Variants in ITGA8 observed in about 807,000 individuals in gnomAD.
ITGA8 encodes integrin subunit alpha 8.
ITGA8 carries 91 observed loss-of-function variants against 142.3 expected under a neutral mutation model. That is an observed-to-expected ratio of 0.64 (90% CI 0.54 to 0.76). The LOEUF (loss-of-function observed/expected upper bound fraction) is 0.76. Among genes scored for constraint, ITGA8 ranks in the 30% least tolerant of loss-of-function variants. The probability of loss-of-function intolerance (pLI) is 0.00; values close to 1 mark genes in which losing one functional copy is unlikely to be tolerated. For synonymous variants in ITGA8, 505 were observed against 485.2 expected (o/e 1.04, Z -0.54); for missense variants, 1,406 against 1,327.7 (o/e 1.06, Z -0.92).
intron 8 of ITGA8, among the ~76,000 whole-genome samples, chr10:15,663,404 A>G (rs1385500763): frequency 6.6e-6 from 1 of 152,188 alleles, no homozygotes; most frequent in East Asian, 1.9e-4. Context: ...CTTTTATTTT[A>G]GATATCCTCA....
chr10:15,540,249 C>A (rs964574474), intron 27 of ITGA8, among the ~76,000 whole-genome samples: 1 of 152,066 alleles, frequency 6.6e-6, no homozygotes, highest in Non-Finnish European at 1.5e-5. Context: ...TCCTTCTGAC[C>A]GTATTTTTGT....
intron 3 of ITGA8, 124 bp from the exon 4 acceptor site, chr10:15,684,251 C>G (rs1279565329): frequency 2.2e-6 from 2 of 914,334 alleles, no homozygotes; most frequent in East Asian, 5.3e-5. Flanking sequence ...CTCTAGCATG[C>G]TAATGAGTGC....
rs538893767 is a variant in ITGA8 at position 15,580,885 on chromosome 10, T to G, written c.2373-5291A>C. Among the ~76,000 whole-genome samples, 489 of 152,334 alleles carry G rather than the reference T, an allele frequency of 3.2e-3. 3 individuals carry two copies. The highest frequency in any genetic ancestry group is 0.011 in the African/African-American group (471 of 41,582). ...TGAACAAGGCAAGGATGTCTCTTTT[T>G]ACCGCTTCTATTGATCATGCACTGG... On this transcript the variant is annotated intron_variant, in intron 23 of 29. Coordinates refer to ENST00000378076, the MANE Select transcript of ITGA8 (RefSeq NM_003638.3).
chr10:15,578,163 C>G (rs765758583), intron 23 of ITGA8, among the ~76,000 whole-genome samples: 35 of 152,060 alleles, frequency 2.3e-4, no homozygotes, highest in African/African-American at 8.2e-4. Flanking sequence ...TTTACAGGAA[C>G]GTCCACTTCC....
rs770989463 is a variant in ITGA8 at position 15,592,304 on chromosome 10, AC to A, written c.2212-1del. ...ACTGCAAATCGGAGGCCCAGGGAAT[AC>A]TAAAAAATAAAATAAAATCACACAA... On this transcript the variant is annotated splice_acceptor_variant, in intron 21 of 29. Coordinates refer to ENST00000378076, the MANE Select transcript of ITGA8 (RefSeq NM_003638.3). LOFTEE classifies it high-confidence loss of function. The A allele has an allele frequency of 6.2e-7, 1 of 1,608,220 alleles. No individual in the cohort carries two copies. The highest frequency in any genetic ancestry group is 8.5e-7 in the Non-Finnish European group (1 of 1,175,254).
intron 7 of ITGA8, among the ~76,000 whole-genome samples, chr10:15,672,059 C>T (rs1834533337): frequency 6.6e-6 from 1 of 152,134 alleles, no homozygotes; most frequent in African/African-American, 2.4e-5. Context: ...TATTTCTGGT[C>T]ACCAGTAAGA....
chr10:15,656,194 G>C (rs972494663), intron 10 of ITGA8, among the ~76,000 whole-genome samples: 1 of 152,128 alleles, frequency 6.6e-6, no homozygotes, highest in African/African-American at 2.4e-5. Context: ...GACAAGAGAA[G>C]AGTTAGGTAA....
chr10:15,535,332 C>T (rs374008885), intron 27 of ITGA8, among the ~76,000 whole-genome samples: 77 of 152,320 alleles, frequency 5.1e-4, no homozygotes, highest in Middle Eastern at 3.4e-3. Context: ...GCACAGGGCA[C>T]GGGACTGGCA....
chr10:15,695,566 T>A (rs1835035414), intron 2 of ITGA8, among the ~76,000 whole-genome samples: 1 of 152,222 alleles, frequency 6.6e-6, no homozygotes, highest in Non-Finnish European at 1.5e-5. Context: ...GCATGGAGGA[T>A]GTTTTTGATT....
intron 15 of ITGA8, among the ~76,000 whole-genome samples, chr10:15,609,196 A>G (rs1833249448): frequency 6.6e-6 from 1 of 152,166 alleles, no homozygotes; most frequent in South Asian, 2.1e-4. Flanking sequence ...TTGTTGAATG[A>G]AAGTGCTCAC....
At position 15,656,419 on chromosome 10, in the gene ITGA8, A is replaced by G. The variant is rs369285040; in HGVS notation, c.949-1013T>C. Among the ~76,000 whole-genome samples the G allele has an allele frequency of 2.6e-3, 388 of 151,872 alleles. 2 individuals carry two copies. Among genetic ancestry groups the G allele is most frequent in the African/African-American group, 9.0e-3 (372 of 41,392 alleles). ...CGCTCTGTTGCCCAGGCTGGAGTGC[A>G]GTGGTGTGATCTTGGCTCACTGCAA... On this transcript the variant is annotated intron_variant, in intron 10 of 29. Coordinates refer to ENST00000378076, the MANE Select transcript of ITGA8 (RefSeq NM_003638.3).
intron 27 of ITGA8, among the ~76,000 whole-genome samples, chr10:15,534,141 C>T (rs1833369480): frequency 6.6e-6 from 1 of 151,894 alleles, no homozygotes; most frequent in African/African-American, 2.4e-5. Flanking sequence ...AACTCCTGAC[C>T]TCAAGTGATC....
chr10:15,572,548 T>C (rs1045993395), intron 24 of ITGA8, among the ~76,000 whole-genome samples, 179 bp from the exon 25 acceptor site: 2 of 152,224 alleles, frequency 1.3e-5, no homozygotes, highest in Admixed American at 1.3e-4. Flanking sequence ...TCTGAAAGCA[T>C]CATGGGCTGG....
At chr10:15,709,826 T>TAC (rs374394101) in intron 2 of ITGA8, among the ~76,000 whole-genome samples, 156 of 152,328 alleles carry the variant, frequency 1.0e-3, no homozygotes, top group African/African-American at 3.6e-3. Context: ...AGGTGAGACT[T>TAC]ACACTGTATC....
intron 23 of ITGA8, among the ~76,000 whole-genome samples, chr10:15,586,048 G>GTTTTTTTTTTTTT (rs1564362665): frequency 8.3e-6 from 1 of 120,484 alleles, no homozygotes; most frequent in Admixed American, 8.7e-5. Flanking sequence ...GGAATAAAGT[G>GTTTTTTTTTTTTT]ATTTTTTTTT....
Position 15,671,101 on chromosome 10 carries a change from A to G in ITGA8, c.847+502T>C, listed in dbSNP as rs191119218. Among the ~76,000 whole-genome samples the G allele has an allele frequency of 1.5e-3, 226 of 152,338 alleles. 1 individual carries two copies. The highest frequency in any genetic ancestry group is 4.8e-3 in the African/African-American group (200 of 41,572). ...ATCAGCCCTGGTAGACAACAGCCAC[A>G]GCAAAGCAGAGAAGACAGGACAGAA... is the stretch of plus-strand genomic sequence containing the variant. On this transcript the variant is annotated intron_variant, in intron 8 of 29. Transcript: ENST00000378076.
intron 10 of ITGA8, among the ~76,000 whole-genome samples, chr10:15,657,197 A>G (rs953621673): frequency 2.0e-5 from 3 of 152,180 alleles, no homozygotes; most frequent in South Asian, 4.1e-4. Context: ...AGAAAGACTA[A>G]ATTTAGCAAT....
intron 13 of ITGA8, among the ~76,000 whole-genome samples, chr10:15,617,524 A>T (rs1413620899): frequency 1.3e-5 from 2 of 151,846 alleles, no homozygotes; most frequent in Non-Finnish European, 2.9e-5. Context: ...TCAGCCTCCC[A>T]AGTAGCTGGG....
At chr10:15,667,743 A>C (rs989260073) in intron 8 of ITGA8, among the ~76,000 whole-genome samples, 11 of 151,906 alleles carry the variant, frequency 7.2e-5, no homozygotes, top group African/African-American at 2.4e-4. Context: ...GGTTTCAAAG[A>C]ACATCTTTAT....
Sources: gnomAD v4.1 joint callset for allele counts (sites outside exome capture counted in the v4.1 genomes callset) on GRCh38, gnomAD v4.1.1 for gene constraint, MANE v1.5 for transcripts, NCBI Gene and HGNC (gene_info 2026-07-23, HGNC 2026-07-21) for gene names.